SLC9A2: variants seen among roughly 807,000 people sequenced by gnomAD.
SLC9A2 encodes the protein sodium/hydrogen exchanger 2.
A neutral mutation model predicts 71.7 loss-of-function variants in SLC9A2; 42 were observed. That is an observed-to-expected ratio of 0.59 (90% CI 0.46 to 0.76). The LOEUF is 0.76. Among genes scored for constraint, SLC9A2 ranks in the 30% least tolerant of loss-of-function variants. The pLI, the probability that SLC9A2 is intolerant of heterozygous loss-of-function variation, is 0.00. For synonymous variants in SLC9A2, 396 were observed against 392.5 expected (o/e 1.01, Z -0.10); for missense variants, 829 against 1,017.4 (o/e 0.81, Z 2.52).
In SLC9A2 at chr2:102,683,400, A is replaced by G. The variant is rs201007398; in HGVS notation, c.1144A>G (p.Thr382Ala). The part of the protein sequence containing the change: ...TLIFIFMGVS[T>A]VGKNHEWNWA... ...GATCTTCATCTTCATGGGTGTGTCT[A>G]CCGTGGGCAAGAACCACGAGTGGAA... Residue 382 changes from threonine to alanine, a missense_variant, in exon 4 of 12, where the codon ACC becomes GCC. By Grantham distance (58) the Thr-to-Ala change is moderately conservative (BLOSUM62 0). Coordinates refer to ENST00000233969, the MANE Select transcript of SLC9A2 (RefSeq NM_003048.6). 10 of 1,614,210 alleles carry G rather than the reference A, an allele frequency of 6.2e-6. No homozygotes were observed. The highest frequency in any genetic ancestry group is 8.5e-6 in the Non-Finnish European group (10 of 1,180,024).
chr2:102,623,383 C>T (rs968519316), intron 1 of SLC9A2, among the ~76,000 whole-genome samples: 1 of 152,082 alleles, frequency 6.6e-6, no homozygotes. Context: ...TCTCCAGATT[C>T]GTCTGCATAG....
chr2:102,687,602 T>TTGGA (rs1677571574), intron 5 of SLC9A2, among the ~76,000 whole-genome samples: 1 of 152,230 alleles, frequency 6.6e-6, no homozygotes. Context: ...TCCAACCTGG[T>TTGGA]ACTACTGAGT....
At chr2:102,647,831 GA>G (rs1410317881) in intron 1 of SLC9A2, among the ~76,000 whole-genome samples, 8 of 150,074 alleles carry the variant, frequency 5.3e-5, no homozygotes, top group African/African-American at 2.0e-4. Flanking sequence ...AACAAGTTCT[GA>G]AATTGAGGCA....
Position 102,687,759 on chromosome 2 carries a change from T to A in SLC9A2, c.1425+3423T>A, listed in dbSNP as rs1013667238. ...CTTTATGAGGCACACTATCATGTTG[T>A]CAGAATATGGTGCTGTTTGGGGAAT... On this transcript the variant is annotated intron_variant, in intron 5 of 11. Transcript: ENST00000233969. 3.7e-4 allele frequency among the ~76,000 whole-genome samples: 56 copies of A among 152,134 alleles called. No individual in the cohort carries two copies. The South Asian group carries it at 5.4e-3, about 15-fold the overall frequency.
intron 1 of SLC9A2, among the ~76,000 whole-genome samples, chr2:102,648,768 A>C (rs571545256): frequency 6.6e-6 from 1 of 152,338 alleles, no homozygotes; most frequent in South Asian, 2.1e-4. Context: ...CTAGGAATAC[A>C]ACTTACAAAG....
At chr2:102,645,960 A>G (rs986009817) in intron 1 of SLC9A2, among the ~76,000 whole-genome samples, 1 of 152,186 alleles carries the variant, frequency 6.6e-6, no homozygotes, top group Non-Finnish European at 1.5e-5. Context: ...GAACACAACT[A>G]AGATACTCCT....
In SLC9A2 at chr2:102,710,611, ATTTT is replaced by A. The variant is rs912272671; in HGVS notation, c.*2127_*2130del. 4.6e-5 allele frequency: 7 copies of A among 152,048 alleles called. No individual in the cohort carries two copies. Among genetic ancestry groups the A allele is most frequent in the African/African-American group, 1.5e-4 (6 of 41,350 alleles). The allele number at this position is 152,048 out of a possible 1,614,324, so 9.4% of individuals were successfully genotyped here. A position where few individuals can be genotyped will look rare whatever the true frequency, so the allele number is the denominator to read the frequency against. ...TAAATCTTAATTATTATCAGTTTAA[ATTTT>A]TTTTGTTTGTTGAATGACAAAGGCA... On this transcript the variant is annotated 3_prime_UTR_variant, in exon 12 of 12. Transcript: ENST00000233969.
intron 1 of SLC9A2, among the ~76,000 whole-genome samples, chr2:102,630,436 C>G (rs983475249): frequency 6.6e-6 from 1 of 151,934 alleles, no homozygotes; most frequent in Non-Finnish European, 1.5e-5. Context: ...TGTTGTTACA[C>G]TGACTTTTGA....
intron 1 of SLC9A2, among the ~76,000 whole-genome samples, chr2:102,627,776 A>G (rs936649162): frequency 6.6e-6 from 1 of 152,126 alleles, no homozygotes; most frequent in Non-Finnish European, 1.5e-5. Context: ...TTAATCCTTG[A>G]ATTAAAAACT....
chr2:102,623,886 T>C (rs1241127576), intron 1 of SLC9A2, among the ~76,000 whole-genome samples: 1 of 152,148 alleles, frequency 6.6e-6, no homozygotes, highest in Non-Finnish European at 1.5e-5. Context: ...TAATGCCTGA[T>C]GGTGAATTCA....
intron 1 of SLC9A2, among the ~76,000 whole-genome samples, chr2:102,633,014 G>T (rs1257487350): frequency 6.6e-6 from 1 of 152,116 alleles, no homozygotes; most frequent in African/African-American, 2.4e-5. Context: ...AACCAGTGGT[G>T]CATTTTCTTG....
At chr2:102,623,195 G>A (rs185588115) in intron 1 of SLC9A2, among the ~76,000 whole-genome samples, 5 of 152,184 alleles carry the variant, frequency 3.3e-5, no homozygotes, top group East Asian at 1.9e-4. Flanking sequence ...AATTTGGAAC[G>A]TCTCTGGCTA....
At position 102,627,151 on chromosome 2, in the gene SLC9A2, C is replaced by CAAG. The variant is rs533573268; in HGVS notation, c.289+7016_289+7017insGAA. Reference sequence around the variant, plus strand: ...ATGTTAACAACAACAACAACAACAACAATAACAACAACAAAAAGCCAGGTT... The same window carrying CAAG: ...ATGTTAACAACAACAACAACAACAACAAGAATAACAACAACAAAAAGCCAGGTT... On this transcript the variant is annotated intron_variant, in intron 1 of 11. Coordinates refer to ENST00000233969, the MANE Select transcript of SLC9A2 (RefSeq NM_003048.6). Among the ~76,000 whole-genome samples the CAAG allele has an allele frequency of 4.7e-3, 266 of 56,160 alleles. 1 individual carries two copies. The highest frequency in any genetic ancestry group is 0.011 in the African/African-American group (252 of 23,340). The allele number at this position is 56,160 out of a possible 152,430, so 36.8% of individuals were successfully genotyped here.
At chr2:102,688,746 A>T (rs1166123721) in intron 5 of SLC9A2, among the ~76,000 whole-genome samples, 2 of 152,200 alleles carry the variant, frequency 1.3e-5, no homozygotes, top group Admixed American at 1.3e-4. Flanking sequence ...AAACAAACAA[A>T]AAAAGAAAGA....
At chr2:102,644,628 G>A (rs966946064) in intron 1 of SLC9A2, among the ~76,000 whole-genome samples, 2 of 152,188 alleles carry the variant, frequency 1.3e-5, no homozygotes, top group African/African-American at 4.8e-5. Flanking sequence ...GCTTGGTGCA[G>A]GGAGGGGTAC....
At chr2:102,643,100 A>G (rs1676641786) in intron 1 of SLC9A2, among the ~76,000 whole-genome samples, 1 of 152,118 alleles carries the variant, frequency 6.6e-6, no homozygotes, top group African/African-American at 2.4e-5. Context: ...CAAACTGATA[A>G]TCTGTGGTTT....
intron 1 of SLC9A2, among the ~76,000 whole-genome samples, chr2:102,649,124 G>T (rs1216116559): frequency 6.6e-6 from 1 of 152,086 alleles, no homozygotes; most frequent in Non-Finnish European, 1.5e-5. Flanking sequence ...ACCAAAATAG[G>T]TATATAAACC....
intron 2 of SLC9A2, among the ~76,000 whole-genome samples, chr2:102,663,708 A>C (rs1377773117): frequency 6.6e-6 from 1 of 152,216 alleles, no homozygotes; most frequent in African/African-American, 2.4e-5. Context: ...AGGGTGTAGC[A>C]CAGCCTTTCT....
intron 1 of SLC9A2, among the ~76,000 whole-genome samples, chr2:102,632,011 T>G (rs1355638033): frequency 0.015 from 622 of 41,632 alleles, 27 homozygotes; most frequent in South Asian, 0.073. Context: ...TATATATATA[T>G]ATATATATAT....
Sources: gnomAD v4.1 joint callset for allele counts (sites outside exome capture counted in the v4.1 genomes callset) on GRCh38, gnomAD v4.1.1 for gene constraint, MANE v1.5 for transcripts, NCBI Gene and HGNC (gene_info 2026-07-23, HGNC 2026-07-21) for gene names.